RANBP2: variants seen among roughly 807,000 people sequenced by gnomAD.
The protein encoded by RANBP2 is E3 SUMO-protein ligase RanBP2.
Under a neutral mutation model 303.6 loss-of-function variants are expected in RANBP2, and 57 were observed. That is an observed-to-expected ratio of 0.19 (90% confidence interval 0.15 to 0.23). The LOEUF (loss-of-function observed/expected upper bound fraction) is 0.23. Ranked by LOEUF, RANBP2 falls within the 10% of genes least tolerant of loss-of-function variation. The pLI, the probability that RANBP2 is intolerant of heterozygous loss-of-function variation, is 1.00. For missense variants in RANBP2, 3,138 were observed against 3,780.8 expected, an observed-to-expected ratio of 0.83 and a Z score of 4.46; for synonymous variants, 1,167 against 1,301.5, an observed-to-expected ratio of 0.90 and a Z score of 2.23.
the RANBP2 span, among the ~76,000 whole-genome samples, chr2:109,639,710 A>G: frequency 6.6e-6 from 1 of 151,818 alleles, no homozygotes; most frequent in Non-Finnish European, 1.5e-5. Context: ...GTTTTCTAAC[A>G]ATACTAGATT....
chr2:109,200,048 G>A, the RANBP2 span, among the ~76,000 whole-genome samples: 2 of 152,108 alleles, frequency 1.3e-5, no homozygotes, highest in Non-Finnish European at 2.9e-5. Context: ...CCCCCACAGA[G>A]AAATGTCACC....
At chr2:109,348,399 CTG>C in the RANBP2 span, among the ~76,000 whole-genome samples, 3 of 152,240 alleles carry the variant, frequency 2.0e-5, no homozygotes, top group Admixed American at 1.3e-4. Context: ...GGTCTCACAT[CTG>C]TGCATCACAG....
At chr2:108,906,348 C>A in the RANBP2 span, 2 of 1,614,208 alleles carry the variant, frequency 1.2e-6, no homozygotes, top group Non-Finnish European at 1.7e-6. Context: ...CATCGAGGAT[C>A]TTTTTCCTCC....
the RANBP2 span, among the ~76,000 whole-genome samples, chr2:108,809,589 C>A: frequency 6.6e-6 from 1 of 151,720 alleles, no homozygotes; most frequent in Non-Finnish European, 1.5e-5. Context: ...ATTTTTGTAG[C>A]CATTGTAAAC....
chr2:108,798,352 A>G, the RANBP2 span: 1 of 1,510,638 alleles, frequency 6.6e-7, no homozygotes. Context: ...GTTAAACCAC[A>G]GTGTCAGCCA....
the RANBP2 span, among the ~76,000 whole-genome samples, chr2:109,389,265 C>T: frequency 2.6e-5 from 4 of 152,196 alleles, no homozygotes; most frequent in South Asian, 2.1e-4. Context: ...GGCCAGGCCC[C>T]GCTCCTTGTG....
At chr2:109,565,650 T>C in the RANBP2 span, 1 of 927,932 alleles carries the variant, frequency 1.1e-6, no homozygotes, top group South Asian at 1.4e-5. Context: ...CACAGCCAAT[T>C]CCTCTGACAA....
chr2:109,059,885 G>A, the RANBP2 span, among the ~76,000 whole-genome samples: 1 of 152,172 alleles, frequency 6.6e-6, no homozygotes, highest in Non-Finnish European at 1.5e-5. Context: ...ATAATGGGGT[G>A]GGTAGCATTC....
At chr2:109,603,020 G>A in the RANBP2 span, among the ~76,000 whole-genome samples, 2 of 151,502 alleles carry the variant, frequency 1.3e-5, no homozygotes, top group African/African-American at 4.9e-5. Flanking sequence ...GCAGTAAGCT[G>A]TGACTGCACC....
the RANBP2 span, among the ~76,000 whole-genome samples, chr2:109,642,084 G>T: frequency 6.6e-6 from 1 of 150,642 alleles, no homozygotes; most frequent in South Asian, 2.1e-4. Context: ...GATTGCAGGA[G>T]TGAACCAATT....
chr2:109,409,790 T>C, the RANBP2 span, among the ~76,000 whole-genome samples: 1 of 152,052 alleles, frequency 6.6e-6, no homozygotes, highest in East Asian at 2.0e-4. Context: ...CCATAAATGT[T>C]TTATTCTAGA....
At chr2:108,884,614 A>G in the RANBP2 span, 1 of 152,220 alleles carries the variant, frequency 6.6e-6, no homozygotes, top group Non-Finnish European at 1.5e-5. Flanking sequence ...AGCTCCACAT[A>G]ATAAACATCA....
the RANBP2 span, among the ~76,000 whole-genome samples, chr2:108,844,462 A>T: frequency 2.2e-4 from 34 of 152,156 alleles, no homozygotes; most frequent in Admixed American, 1.6e-3. Context: ...CTAAAAGCGT[A>T]TGCAGGTGTT....
At chr2:108,796,492 A>G in the RANBP2 span, among the ~76,000 whole-genome samples, 2 of 152,216 alleles carry the variant, frequency 1.3e-5, no homozygotes, top group Non-Finnish European at 1.5e-5. Flanking sequence ...ATATCCCCGA[A>G]AAAAGAAAAC....
At chr2:108,954,294 C>T in the RANBP2 span, among the ~76,000 whole-genome samples, 1 of 152,170 alleles carries the variant, frequency 6.6e-6, no homozygotes, top group Non-Finnish European at 1.5e-5. Context: ...ACATCAAGAC[C>T]TATACCCCAA....
the RANBP2 span, chr2:109,398,481 G>A: frequency 1.0e-6 from 1 of 978,502 alleles, no homozygotes; most frequent in Non-Finnish European, 1.5e-6. Context: ...TGACGGATTT[G>A]AATGCATTGC....
chr2:108,773,582 GA>G (rs968035080), intron 23 of RANBP2, among the ~76,000 whole-genome samples: 2 of 151,170 alleles, frequency 1.3e-5, no homozygotes, highest in Admixed American at 1.3e-4. Context: ...AAAATAACTA[GA>G]ATATCAATTT....
chr2:109,152,558 T>C, the RANBP2 span, among the ~76,000 whole-genome samples: 3 of 152,214 alleles, frequency 2.0e-5, no homozygotes, highest in African/African-American at 4.8e-5. Flanking sequence ...GCATGGAAAT[T>C]GGATTTTTGC....
chr2:109,679,109 T>C, the RANBP2 span, among the ~76,000 whole-genome samples: 2 of 152,158 alleles, frequency 1.3e-5, no homozygotes, highest in Non-Finnish European at 2.9e-5. Context: ...TACGAACAAT[T>C]AGCTCTTCAG....
Sources: gnomAD v4.1 joint callset for allele counts (sites outside exome capture counted in the v4.1 genomes callset) on GRCh38, gnomAD v4.1.1 for gene constraint, MANE v1.5 for transcripts, NCBI Gene and HGNC (gene_info 2026-07-23, HGNC 2026-07-21) for gene names.